The following CAST variants were observed in gnomAD, a reference collection of about 807,000 sequenced individuals.
The protein encoded by CAST is MIR583 host.
Under a neutral mutation model 119.6 loss-of-function variants are expected in CAST, and 76 were observed. The observed-to-expected ratio is 0.64, with a 90% CI of 0.53 to 0.77. The LOEUF is 0.77. CAST is among the 30% of genes least tolerant of loss of function. The pLI, the probability that CAST is intolerant of heterozygous loss-of-function variation, is 0.00. For missense variants in CAST, 953 were observed against 946.5 expected (o/e 1.01, Z -0.09); for synonymous variants, 319 against 331.6 (o/e 0.96, Z 0.41).
intron 1 of CAST, among the ~76,000 whole-genome samples, chr5:96,625,361 A>G (rs1043312877): frequency 6.6e-6 from 1 of 152,176 alleles, no homozygotes. Flanking sequence ...TCTTTACTGA[A>G]CTGGAATAGA....
the CAST span, among the ~76,000 whole-genome samples, chr5:96,472,854 C>T: frequency 6.6e-6 from 1 of 152,208 alleles, no homozygotes; most frequent in South Asian, 2.1e-4. Context: ...GAAGTATATA[C>T]TGTCCTGGTT....
In CAST at chr5:96,561,827, C is replaced by G. The variant is rs1241354180; in HGVS notation, c.60+31947C>G. Among the ~76,000 whole-genome samples, 11 of 97,126 alleles carry G rather than the reference C, an allele frequency of 1.1e-4. No homozygotes were observed. In the Admixed American group the frequency reaches 1.4e-3, roughly 12 times the overall value. 63.7% of individuals were successfully genotyped at this position (97,126 alleles called of 152,430 possible). A position where few individuals can be genotyped will look rare whatever the true frequency, so the allele number is the denominator to read the frequency against. ...TTTTTTTTTGAGACGGAGTCTCGCT[C>G]TGTCGCCCAGGCTGGAGTGCAGTGG... On this transcript the variant is annotated intron_variant, in intron 1 of 11. Transcript: ENST00000505143.
the CAST span, among the ~76,000 whole-genome samples, chr5:96,420,879 G>C: frequency 4.6e-5 from 7 of 152,082 alleles, no homozygotes; most frequent in Non-Finnish European, 1.0e-4. Flanking sequence ...AGAGAATAAA[G>C]AAGCGCTTCA....
chr5:96,505,522 T>C, the CAST span, among the ~76,000 whole-genome samples: 9 of 152,048 alleles, frequency 5.9e-5, no homozygotes, highest in African/African-American at 2.2e-4. Context: ...AAAAGGAATA[T>C]TATTAAATCC....
the CAST span, among the ~76,000 whole-genome samples, chr5:96,057,412 T>C: frequency 3.9e-5 from 6 of 152,322 alleles, no homozygotes; most frequent in Admixed American, 6.5e-5. Flanking sequence ...CTAGTCCTTT[T>C]TGGGGAAACC....
At chr5:96,209,957 G>A in the CAST span, among the ~76,000 whole-genome samples, 5 of 151,360 alleles carry the variant, frequency 3.3e-5, no homozygotes, top group African/African-American at 1.2e-4. Context: ...CTCTTTCAGG[G>A]ATGCCAATGA....
At chr5:96,618,160 C>T (rs549345400) in intron 1 of CAST, among the ~76,000 whole-genome samples, 5 of 152,334 alleles carry the variant, frequency 3.3e-5, no homozygotes, top group Non-Finnish European at 4.4e-5. Flanking sequence ...GAGAGGAGAA[C>T]AGATTTTCAG....
At chr5:96,053,210 C>T in the CAST span, among the ~76,000 whole-genome samples, 36 of 152,256 alleles carry the variant, frequency 2.4e-4, 1 homozygote, top group South Asian at 2.3e-3. Flanking sequence ...TACTAATGCC[C>T]GTGTCCTACT....
intron 17 of CAST, among the ~76,000 whole-genome samples, chr5:96,747,102 A>G (rs1009238199): frequency 3.9e-5 from 6 of 152,228 alleles, no homozygotes; most frequent in Admixed American, 3.9e-4. Context: ...TCTACCCAAC[A>G]GATTAAAAAC....
At chr5:96,731,363 A>AT (rs969677324) in intron 9 of CAST, among the ~76,000 whole-genome samples, 7 of 151,386 alleles carry the variant, frequency 4.6e-5, no homozygotes, top group Non-Finnish European at 8.8e-5. Flanking sequence ...ACTTCCTTAG[A>AT]TTTTTTGAAG....
the CAST span, among the ~76,000 whole-genome samples, chr5:96,179,312 C>G: frequency 3.9e-5 from 6 of 152,204 alleles, no homozygotes; most frequent in Non-Finnish European, 7.3e-5. Flanking sequence ...ACCCTTGCTT[C>G]ATCACAGGTT....
chr5:96,743,741 G>C, intron 16 of CAST: 1 of 1,587,820 alleles, frequency 6.3e-7, no homozygotes, highest in South Asian at 1.1e-5. Flanking sequence ...TATCTTCCAG[G>C]ACCAAGTAAT....
At chr5:96,117,477 C>T in the CAST span, among the ~76,000 whole-genome samples, 1 of 152,114 alleles carries the variant, frequency 6.6e-6, no homozygotes, top group Non-Finnish European at 1.5e-5. Context: ...CTGTTCAGTT[C>T]TCAAGTTCGA....
chr5:96,534,685 A>AG (rs1745749302), intron 1 of CAST, among the ~76,000 whole-genome samples: 4 of 101,462 alleles, frequency 3.9e-5, no homozygotes, highest in Admixed American at 2.4e-4. Flanking sequence ...AAAGAGAGAG[A>AG]GAGAGGAAGG....
the CAST span, among the ~76,000 whole-genome samples, chr5:96,270,355 C>G: frequency 6.6e-6 from 1 of 152,020 alleles, no homozygotes; most frequent in Non-Finnish European, 1.5e-5. Context: ...CCACTTTTAC[C>G]ACTTTTATTT....
the CAST span, among the ~76,000 whole-genome samples, chr5:96,053,902 C>T: frequency 6.6e-6 from 1 of 152,324 alleles, no homozygotes; most frequent in Middle Eastern, 3.4e-3. Context: ...ATCAGGATGC[C>T]TCCCCCAACT....
chr5:96,689,130 G>A (rs1291419580), intron 2 of CAST, among the ~76,000 whole-genome samples: 2 of 152,130 alleles, frequency 1.3e-5, no homozygotes, highest in African/African-American at 4.8e-5. Context: ...TATTCTCTTT[G>A]GAATCTGATG....
chr5:96,299,066 T>G, the CAST span, among the ~76,000 whole-genome samples: 1 of 151,492 alleles, frequency 6.6e-6, no homozygotes, highest in Non-Finnish European at 1.5e-5. Context: ...ATGATGAAAC[T>G]CCGTCTCTAC....
upstream of CAST, chr5:96,662,313 GCCCTCCGCTCCCTCCCTCCCT>G (rs1477829204): frequency 9.6e-7 from 1 of 1,041,286 alleles, no homozygotes; most frequent in Non-Finnish European, 1.2e-6. Flanking sequence ...CCGCTCCCGG[GCCCTCCGCTCCCTCCCTCCCT>G]CCCTCTCTCC....
Sources: gnomAD v4.1 joint callset for allele counts (sites outside exome capture counted in the v4.1 genomes callset) on GRCh38, gnomAD v4.1.1 for gene constraint, MANE v1.5 for transcripts, NCBI Gene and HGNC (gene_info 2026-07-23, HGNC 2026-07-21) for gene names.